The following RIMBP2 variants were observed in gnomAD, a reference collection of about 807,000 sequenced individuals.
RIMBP2 encodes the protein RIMS-binding protein 2.
A neutral mutation model predicts 118.6 loss-of-function variants in RIMBP2; 48 were observed. That is an observed-to-expected ratio of 0.40 (90% confidence interval 0.32 to 0.51). The LOEUF (loss-of-function observed/expected upper bound fraction) is 0.51. Among genes scored for constraint, RIMBP2 ranks in the 20% least tolerant of loss-of-function variants. The pLI, the probability that RIMBP2 is intolerant of heterozygous loss-of-function variation, is 0.41. For missense variants in RIMBP2, 1,551 were observed against 1,768.3 expected, an observed-to-expected ratio of 0.88 and a Z score of 2.20; for synonymous variants, 762 against 742.9, an observed-to-expected ratio of 1.03 and a Z score of -0.42.
intron 4 of RIMBP2, among the ~76,000 whole-genome samples, chr12:130,495,595 T>C (rs2049070905): frequency 6.6e-6 from 1 of 152,210 alleles, no homozygotes; most frequent in Non-Finnish European, 1.5e-5. Context: ...GTAAGTTTCA[T>C]GAAAACAAAA....
Position 130,475,142 on chromosome 12 carries a change from G to A in RIMBP2, c.102+3770C>T, listed in dbSNP as rs561763596. On this transcript the variant is annotated intron_variant, in intron 5 of 22. Transcript: ENST00000690449. The surrounding 1 kb of genome is among the most constrained non-coding windows in gnomAD (Gnocchi z 4.1). ...CATGAGCTCATTGTCCCTGGATTCC[G>A]GGAGGAGAGCCCTGGGCACTTTCAT... Among the ~76,000 whole-genome samples, 5 of 152,320 alleles carry A rather than the reference G, an allele frequency of 3.3e-5. No homozygotes were observed. Among genetic ancestry groups the A allele is most frequent in the Admixed American group, 1.3e-4 (2 of 15,300 alleles).
At chr12:130,461,246 C>G (rs1419012595) in intron 6 of RIMBP2, among the ~76,000 whole-genome samples, 1 of 152,196 alleles carries the variant, frequency 6.6e-6, no homozygotes, top group African/African-American at 2.4e-5. Context: ...TTGCCAACTG[C>G]TCCTTACACC....
chr12:130,647,003 G>A (rs1005521190), intron 1 of RIMBP2, among the ~76,000 whole-genome samples: 11 of 152,238 alleles, frequency 7.2e-5, no homozygotes, highest in South Asian at 2.1e-4. Flanking sequence ...ATATGCATGT[G>A]AGGCAGAGTG....
chr12:130,647,720 A>T lies in RIMBP2; in HGVS notation c.-351-19264T>A, dbSNP rs1445919025. On this transcript the variant is annotated intron_variant, in intron 1 of 22. Coordinates refer to ENST00000690449, the MANE Select transcript of RIMBP2 (RefSeq NM_001393629.1). ...TCAGAAAATCTTTGCATATACCTAC[A>T]ATTTGTAAGCCCCTGCATCCAGAGA... 2.7e-5 allele frequency among the ~76,000 whole-genome samples: 4 copies of T among 145,606 alleles called. 2 individuals carry two copies. The highest frequency in any genetic ancestry group is 6.2e-5 in the Non-Finnish European group (4 of 64,226).
intron 1 of RIMBP2, among the ~76,000 whole-genome samples, chr12:130,642,434 G>A (rs186507082): frequency 1.5e-3 from 227 of 152,252 alleles, no homozygotes; most frequent in African/African-American, 4.7e-3. Context: ...ACAAGTGCCC[G>A]CTACCACGCC....
At chr12:130,674,075 G>A (rs1329420348) in intron 1 of RIMBP2, among the ~76,000 whole-genome samples, 1 of 152,088 alleles carries the variant, frequency 6.6e-6, no homozygotes, top group African/African-American at 2.4e-5. Flanking sequence ...CCAAGATCGT[G>A]CCACTGCACT....
At chr12:130,641,079 A>G (rs2062596508) in intron 1 of RIMBP2, among the ~76,000 whole-genome samples, 1 of 152,168 alleles carries the variant, frequency 6.6e-6, no homozygotes, top group African/African-American at 2.4e-5. Context: ...TCTTGCCATC[A>G]TTTTAACTGA....
chr12:130,438,614 T>G, intron 11 of RIMBP2, 98 bp from the exon 12 acceptor site: 4 of 1,065,746 alleles, frequency 3.8e-6, no homozygotes, highest in Non-Finnish European at 5.1e-6. Flanking sequence ...ACGAGATCAT[T>G]CGGTAAAGTC....
At position 130,581,450 on chromosome 12, in the gene RIMBP2, C is replaced by A. The variant is rs896311656; in HGVS notation, c.-217+46872G>T. ...CTCCTCCAAGGTCCATGCTCACCCC[C>A]ACTGCCCACCCAGCCTGTCCCAGTG... On this transcript the variant is annotated intron_variant, in intron 2 of 22. Coordinates refer to ENST00000690449, the MANE Select transcript of RIMBP2 (RefSeq NM_001393629.1). The surrounding 1 kb of genome is among the most constrained non-coding windows in gnomAD (Gnocchi z 4.4). Among the ~76,000 whole-genome samples, 3 of 152,218 alleles carry A rather than the reference C, an allele frequency of 2.0e-5. No homozygotes were observed. The highest frequency in any genetic ancestry group is 7.2e-5 in the African/African-American group (3 of 41,460).
At chr12:130,484,261 C>T (rs2082296616) in intron 4 of RIMBP2, among the ~76,000 whole-genome samples, 1 of 152,194 alleles carries the variant, frequency 6.6e-6, no homozygotes, top group African/African-American at 2.4e-5. Flanking sequence ...CTGCCACCAC[C>T]ATCTGCCTGC....
chr12:130,675,714 C>G (rs2064428863), intron 1 of RIMBP2, among the ~76,000 whole-genome samples: 1 of 152,180 alleles, frequency 6.6e-6, no homozygotes, highest in Non-Finnish European at 1.5e-5. Context: ...ACAATTACAG[C>G]ACTCCGATAT....
intron 1 of RIMBP2, chr12:130,669,082 C>G (rs891312409): frequency 6.6e-6 from 1 of 152,294 alleles, no homozygotes; most frequent in South Asian, 2.1e-4. Flanking sequence ...TATCCTTAAC[C>G]AAACACATCC....
rs1030101161 is a variant in RIMBP2 at position 130,648,919 on chromosome 12, G to C, written c.-351-20463C>G. Among the ~76,000 whole-genome samples the C allele has an allele frequency of 2.7e-5, 4 of 146,022 alleles. 1 individual carries two copies. Among genetic ancestry groups the C allele is most frequent in the Non-Finnish European group, 6.2e-5 (4 of 64,462 alleles). ...GATCTGCCCGCCTCGGCCTCCCAAA[G>C]TGCTGGGATTCCAGGCGTGAGCCGC... On this transcript the variant is annotated intron_variant, in intron 1 of 22. Coordinates refer to ENST00000690449, the MANE Select transcript of RIMBP2 (RefSeq NM_001393629.1).
intron 1 of RIMBP2, among the ~76,000 whole-genome samples, chr12:130,709,900 T>C (rs934392167): frequency 6.6e-6 from 1 of 152,054 alleles, no homozygotes; most frequent in Non-Finnish European, 1.5e-5. Context: ...TTGGTAGCAC[T>C]GGGCAGGAGG....
At chr12:130,408,127 C>G (rs890385869) in intron 19 of RIMBP2, among the ~76,000 whole-genome samples, 2 of 152,212 alleles carry the variant, frequency 1.3e-5, no homozygotes, top group Non-Finnish European at 2.9e-5. Flanking sequence ...ACGGGGCTCT[C>G]GAACAGCAAA....
chr12:130,610,782 G>A (rs374614329), intron 2 of RIMBP2, among the ~76,000 whole-genome samples: 5 of 151,594 alleles, frequency 3.3e-5, no homozygotes, highest in Non-Finnish European at 5.9e-5. Flanking sequence ...GGATGGTCTC[G>A]ATCTCCTGAC....
At position 130,617,698 on chromosome 12, in the gene RIMBP2, G is replaced by T. The variant is rs2061032416; in HGVS notation, c.-217+10624C>A. On this transcript the variant is annotated intron_variant, in intron 2 of 22. Coordinates refer to ENST00000690449, the MANE Select transcript of RIMBP2 (RefSeq NM_001393629.1). The surrounding 1 kb of genome is among the most constrained non-coding windows in gnomAD (Gnocchi z 4.6). ...CTATGACCTGACGCTAAGCAGCCCA[G>T]CACCTTCAGTCCTCGAAGGTCCGCA... 6.6e-6 allele frequency among the ~76,000 whole-genome samples: 1 copy of T among 152,208 alleles called. No homozygotes were observed. The highest frequency in any genetic ancestry group is 2.4e-5 in the African/African-American group (1 of 41,456).
At chr12:130,539,487 T>C (rs1256823069) in intron 2 of RIMBP2, among the ~76,000 whole-genome samples, 1 of 152,126 alleles carries the variant, frequency 6.6e-6, no homozygotes, top group Non-Finnish European at 1.5e-5. Flanking sequence ...CCCACAAACA[T>C]GGTAACGTGG....
intron 9 of RIMBP2, among the ~76,000 whole-genome samples, chr12:130,449,584 C>A (rs951866806): frequency 2.6e-5 from 4 of 152,162 alleles, no homozygotes; most frequent in Non-Finnish European, 5.9e-5. Flanking sequence ...GGACATGTCC[C>A]CTTTCACTCT....
Sources: gnomAD v4.1 joint callset for allele counts (sites outside exome capture counted in the v4.1 genomes callset) on GRCh38, gnomAD v4.1.1 for gene constraint, Gnocchi (gnomAD v3.1) non-coding constraint, MANE v1.5 for transcripts, NCBI Gene and HGNC (gene_info 2026-07-23, HGNC 2026-07-21) for gene names.